The following GRID2 variants were observed in gnomAD, a reference collection of about 807,000 sequenced individuals.
The protein encoded by GRID2 is glutamate ionotropic receptor delta type subunit 2.
GRID2 carries 33 observed loss-of-function variants against 114.8 expected under a neutral mutation model. The ratio of observed to expected loss-of-function variants is 0.29; its 90% CI spans 0.22 to 0.38. GRID2 has a LOEUF of 0.38. Ranked by LOEUF, GRID2 falls within the 10% of genes least tolerant of loss-of-function variation. The pLI is 1.00. For synonymous variants in GRID2, 505 were observed against 449.9 expected (o/e 1.12, Z -1.55); for missense variants, 1,184 against 1,257.7 (o/e 0.94, Z 0.89).
Position 92,711,596 on chromosome 4 carries a change from A to G in GRID2, c.244+121310A>G, listed in dbSNP as rs956544960. Among the ~76,000 whole-genome samples, 88 of 152,184 alleles carry G rather than the reference A, an allele frequency of 5.8e-4. 1 individual carries two copies. The highest frequency in any genetic ancestry group is 5.6e-3 in the Admixed American group (85 of 15,282). The stretch of plus-strand genomic sequence containing the variant: ...TGTATTCTGCTACCAGCTGGAGAAA[A>G]CTATGCTTTTAAAGAGTTCATGTAG... On this transcript the variant is annotated intron_variant, in intron 2 of 15. Transcript: ENST00000282020.
At chr4:92,411,655 G>GTGTGTGTGTA in intron 1 of GRID2, among the ~76,000 whole-genome samples, 2 of 84,690 alleles carry the variant, frequency 2.4e-5, no homozygotes, top group African/African-American at 1.2e-4. Context: ...GTGTGTGTGT[G>GTGTGTGTGTA]TATATATATA....
At chr4:92,794,522 C>A (rs1480209127) in intron 2 of GRID2, among the ~76,000 whole-genome samples, 1 of 151,718 alleles carries the variant, frequency 6.6e-6, no homozygotes, top group Non-Finnish European at 1.5e-5. Flanking sequence ...CACTTAAAAT[C>A]ATTTCATAAA....
intron 8 of GRID2, among the ~76,000 whole-genome samples, chr4:93,320,252 A>G (rs1757074126): frequency 6.6e-6 from 1 of 152,154 alleles, no homozygotes; most frequent in South Asian, 2.1e-4. Flanking sequence ...GATTATTGGC[A>G]TAAAAAAGAA....
In GRID2 at chr4:93,746,928, T is replaced by C. The variant is rs145225398; in HGVS notation, c.2361-22282T>C. Among the ~76,000 whole-genome samples the C allele has an allele frequency of 4.5e-3, 692 of 152,226 alleles. 6 individuals carry two copies. The highest frequency in any genetic ancestry group is 0.016 in the African/African-American group (651 of 41,564). On this transcript the variant is annotated intron_variant, in intron 14 of 15. Transcript: ENST00000282020. ...AAGTGTTTTGGCAAATGTCACAGAT[T>C]TTTTACAGAAGGATTAGAGAATTTT...
At chr4:93,699,168 T>C (rs1037732538) in intron 14 of GRID2, among the ~76,000 whole-genome samples, 9 of 152,072 alleles carry the variant, frequency 5.9e-5, no homozygotes, top group Non-Finnish European at 8.8e-5. Flanking sequence ...TTTGAGAAAT[T>C]GTGAAGAAAA....
At chr4:92,564,567 A>C (rs1727249062) in intron 1 of GRID2, among the ~76,000 whole-genome samples, 1 of 151,986 alleles carries the variant, frequency 6.6e-6, no homozygotes, top group South Asian at 2.1e-4. Flanking sequence ...AGAGAGTAGA[A>C]GGGTTTCTAT....
intron 13 of GRID2, among the ~76,000 whole-genome samples, chr4:93,556,999 T>C (rs1337162741): frequency 6.6e-6 from 1 of 152,178 alleles, no homozygotes; most frequent in Non-Finnish European, 1.5e-5. Flanking sequence ...CTAAGCTTCA[T>C]CAGCGAAGAA....
chr4:92,393,079 G>A (rs1186894217), intron 1 of GRID2, among the ~76,000 whole-genome samples: 4 of 152,124 alleles, frequency 2.6e-5, no homozygotes, highest in Non-Finnish European at 4.4e-5. Flanking sequence ...GTAGAAGCGG[G>A]CACTTCACAT....
intron 14 of GRID2, among the ~76,000 whole-genome samples, chr4:93,683,117 GA>G (rs1168393175): frequency 7.3e-5 from 11 of 151,666 alleles, no homozygotes; most frequent in East Asian, 1.9e-4. Context: ...CCTTTGGGGG[GA>G]AAAAAAGCTC....
At chr4:93,788,756 A>G (rs1424800111) in intron 1 of GRID2, among the ~76,000 whole-genome samples, 2 of 152,192 alleles carry the variant, frequency 1.3e-5, no homozygotes, top group Non-Finnish European at 2.9e-5. Context: ...GTCAAAAAAT[A>G]TTTCCATAAG....
chr4:92,329,669 A>C (rs1213276377), intron 1 of GRID2, among the ~76,000 whole-genome samples: 1 of 152,038 alleles, frequency 6.6e-6, no homozygotes, highest in Non-Finnish European at 1.5e-5. Context: ...CTGGGTAAAC[A>C]ATGATAAACA....
intron 2 of GRID2, among the ~76,000 whole-genome samples, chr4:92,999,598 A>T (rs1363467265): frequency 6.6e-6 from 1 of 151,746 alleles, no homozygotes; most frequent in Non-Finnish European, 1.5e-5. Flanking sequence ...ATAAAAGTAA[A>T]CTTCAACAGG....
At chr4:92,719,757 G>T (rs1279473392) in intron 2 of GRID2, among the ~76,000 whole-genome samples, 1 of 152,054 alleles carries the variant, frequency 6.6e-6, no homozygotes, top group African/African-American at 2.4e-5. Flanking sequence ...AAAAGATGAC[G>T]AAGTAAAATA....
chr4:93,194,846 A>G (rs1741327649), intron 4 of GRID2, among the ~76,000 whole-genome samples: 2 of 152,290 alleles, frequency 1.3e-5, no homozygotes, highest in South Asian at 2.1e-4. Context: ...GACCTTCTAA[A>G]TCAGAAACTA....
At chr4:93,432,389 A>T (rs10026391) in intron 10 of GRID2, among the ~76,000 whole-genome samples, 89,539 of 151,986 alleles carry the variant, frequency 0.59, 26,799 homozygotes, top group East Asian at 0.71. Context: ...GATCAGAGAC[A>T]TAAACTTGGA....
At chr4:93,286,605 A>C (rs1753175940) in intron 8 of GRID2, among the ~76,000 whole-genome samples, 1 of 152,024 alleles carries the variant, frequency 6.6e-6, no homozygotes, top group African/African-American at 2.4e-5. Flanking sequence ...GTATCACTTA[A>C]GAACCATCTC....
intron 1 of GRID2, among the ~76,000 whole-genome samples, chr4:92,379,165 T>A (rs557944037): frequency 4.6e-5 from 7 of 151,974 alleles, no homozygotes; most frequent in Non-Finnish European, 1.0e-4. Context: ...TGTACTTGTA[T>A]GATTATTGGC....
chr4:93,208,509 T>C (rs1743076817), intron 5 of GRID2, among the ~76,000 whole-genome samples: 1 of 151,976 alleles, frequency 6.6e-6, no homozygotes, highest in African/African-American at 2.4e-5. Context: ...GATCATTCCC[T>C]TATATATTAT....
chr4:92,868,706 A>AGT (rs201335750), intron 2 of GRID2, among the ~76,000 whole-genome samples: 7,187 of 148,436 alleles, frequency 0.048, 324 homozygotes, highest in African/African-American at 0.13. Flanking sequence ...CATTTTATGT[A>AGT]GTGTGTGTGT....
Sources: allele counts gnomAD v4.1 joint callset (sites outside exome capture counted in the v4.1 genomes callset), GRCh38; gene constraint gnomAD v4.1.1; transcripts MANE v1.5; gene names NCBI Gene and HGNC (gene_info 2026-07-23, HGNC 2026-07-21).